The following TBC1D28 variants were observed in gnomAD, a reference collection of about 807,000 sequenced individuals.
TBC1D28 encodes the protein TBC1 domain family, member 28.
In TBC1D28, 20 loss-of-function variants were observed where a neutral mutation model predicts 29.2. The observed-to-expected ratio is 0.68, with a 90% CI of 0.48 to 0.99. TBC1D28 has a LOEUF of 0.99. Among genes scored for constraint, TBC1D28 ranks in the 50% least tolerant of loss-of-function variants. The probability of loss-of-function intolerance (pLI) is 0.00; values close to 1 mark genes in which losing one functional copy is unlikely to be tolerated. For synonymous variants in TBC1D28, 65 were observed against 90.9 expected (o/e 0.71, Z 1.62); for missense variants, 205 against 243.7 (o/e 0.84, Z 1.06).
chr17:18,641,662 G>C (rs2031773656), exon 2 of TBC1D28: 1 of 436,730 alleles, frequency 2.3e-6, no homozygotes, highest in Non-Finnish European at 4.1e-6. Context: ...GCGTCCACTT[G>C]CTGAGGGTGA....
exon 6 of TBC1D28, chr17:18,638,673 T>C (rs1294105500): frequency 1.9e-6 from 3 of 1,614,122 alleles, no homozygotes; most frequent in African/African-American, 2.7e-5. Flanking sequence ...TTGCCACTTG[T>C]TGGTACGTTT....
At chr17:18,635,301 G>A (rs1319300649) in exon 9 of TBC1D28, 1 of 153,904 alleles carries the variant, frequency 6.5e-6, no homozygotes, top group East Asian at 1.9e-4. Context: ...CCCGAGAGTG[G>A]GGGAAATGCA....
chr17:18,636,492 C>G (rs1471430002), exon 9 of TBC1D28: 1 of 1,614,008 alleles, frequency 6.2e-7, no homozygotes. Context: ...CGAGAGACAC[C>G]CATGCCTGTG....
intron 2 of TBC1D28, 37 bp downstream of exon 3, chr17:18,641,595 G>A: frequency 1.7e-6 from 1 of 578,678 alleles, no homozygotes; most frequent in South Asian, 2.2e-5. Context: ...GAACAGAGAG[G>A]CCTATTGTCC....
chr17:18,634,608 T>G (rs2031388296), downstream of TBC1D28, among the ~76,000 whole-genome samples: 2 of 152,038 alleles, frequency 1.3e-5, no homozygotes, highest in Non-Finnish European at 2.9e-5. Flanking sequence ...GTTATATCAG[T>G]AAAATATCCT....
At chr17:18,634,347 T>G (rs6502661), downstream of TBC1D28, among the ~76,000 whole-genome samples, 88,411 of 147,878 alleles carry the variant, frequency 0.6, 26,937 homozygotes, top group East Asian at 0.93. Flanking sequence ...ACAAAATCAT[T>G]AACACAGAAG....
At chr17:18,638,320 T>A in exon 7 of TBC1D28, 1 of 1,614,138 alleles carries the variant, frequency 6.2e-7, no homozygotes, top group Admixed American at 1.7e-5. Flanking sequence ...TACCTTATAT[T>A]TGCCTGGGTT....
intron 8 of TBC1D28, 88 bp downstream of exon 9, chr17:18,637,776 G>T: frequency 6.4e-7 from 1 of 1,554,456 alleles, no homozygotes; most frequent in Non-Finnish European, 8.8e-7. Flanking sequence ...CCTCTCCTGG[G>T]TGACCCTGGC....
rs1406052693 is a variant in TBC1D28 at position 18,640,164 on chromosome 17, C to A, written c.158+858G>T. Among the ~76,000 whole-genome samples, 3 of 152,184 alleles carry A rather than the reference C, an allele frequency of 2.0e-5. No homozygotes were observed. In the East Asian group the frequency reaches 5.8e-4, roughly 29 times the overall value. ...CCCTGCGCAGTGCTGACTGAGCCAG[C>A]GGGAAGCAGAATCTCTGGAGGGCCA... On this transcript the variant is annotated intron_variant, in intron 4 of 8. Transcript: ENST00000345096.
chr17:18,635,948 A>G, exon 9 of TBC1D28: 1 of 992,426 alleles, frequency 1.0e-6, no homozygotes, highest in Non-Finnish European at 1.2e-6. Context: ...AGCAATACCA[A>G]GAACTGGCCA....
chr17:18,643,666 C>T (rs1231960993), upstream of TBC1D28, among the ~76,000 whole-genome samples: 1 of 151,520 alleles, frequency 6.6e-6, no homozygotes, highest in African/African-American at 2.4e-5. Flanking sequence ...ACCAGGCCTT[C>T]CTGACCAGGT....
chr17:18,641,486 G>C, intron 2 of TBC1D28, 133 bp from the exon 4 acceptor site: 1 of 1,015,930 alleles, frequency 9.8e-7, no homozygotes, highest in South Asian at 1.6e-5. Context: ...AGATGACAAG[G>C]GGCCAGACTC....
At chr17:18,637,771 C>T (rs1348190425) in intron 8 of TBC1D28, 93 bp downstream of exon 9, 41 of 1,513,628 alleles carry the variant, frequency 2.7e-5, no homozygotes, top group Non-Finnish European at 7.2e-6. Context: ...TGTCACCTCT[C>T]CTGGGTGACC....
downstream of TBC1D28, chr17:18,634,867 GCCTCAGCC>G (rs1555615116): frequency 1.1e-3 from 104 of 94,590 alleles, no homozygotes; most frequent in Non-Finnish European, 2.1e-3. Flanking sequence ...CGCCTCAGCC[GCCTCAGCC>G]CCTCAGCCCC....
downstream of TBC1D28, among the ~76,000 whole-genome samples, chr17:18,634,849 CCCTCAGCCG>C (rs1158996868): frequency 9.4e-5 from 13 of 138,400 alleles, no homozygotes; most frequent in Non-Finnish European, 1.5e-4. Flanking sequence ...CCTCCTCAGC[CCCTCAGCCG>C]CCTCAGCCGC....
upstream of TBC1D28, among the ~76,000 whole-genome samples, chr17:18,643,205 A>G (rs1017019287): frequency 1.2e-4 from 19 of 152,178 alleles, no homozygotes; most frequent in Non-Finnish European, 2.1e-4. Context: ...GATGGGGGCT[A>G]GGGGTTAGAG....
chr17:18,637,428 T>C (rs998142945), intron 8 of TBC1D28, among the ~76,000 whole-genome samples: 2 of 136,796 alleles, frequency 1.5e-5, no homozygotes, highest in Non-Finnish European at 3.1e-5. Flanking sequence ...ACTTACAAAA[T>C]GGCTGTGCCC....
At chr17:18,636,304 C>T in exon 9 of TBC1D28, 1 of 1,439,826 alleles carries the variant, frequency 6.9e-7, no homozygotes, top group Non-Finnish European at 9.1e-7. Flanking sequence ...TGCCAAGCTC[C>T]TAGGCTTTGG....
chr17:18,639,904 C>A (rs1207583415), intron 4 of TBC1D28, among the ~76,000 whole-genome samples: 1 of 104,538 alleles, frequency 9.6e-6, no homozygotes, highest in Non-Finnish European at 1.9e-5. Flanking sequence ...GCCTTGGCCA[C>A]TCTCTGACTG....
Sources: gnomAD v4.1 joint callset for allele counts (sites outside exome capture counted in the v4.1 genomes callset) on GRCh38, gnomAD v4.1.1 for gene constraint, MANE v1.5 for transcripts, NCBI Gene and HGNC (gene_info 2026-07-23, HGNC 2026-07-21) for gene names.